The following AKAP9 variants were observed in gnomAD, a reference collection of about 807,000 sequenced individuals.
AKAP9 encodes A-kinase anchor protein 9.
Under a neutral mutation model 488.5 loss-of-function variants are expected in AKAP9, and 311 were observed. The observed-to-expected ratio is 0.64, with a 90% confidence interval of 0.58 to 0.70. The LOEUF (loss-of-function observed/expected upper bound fraction) is 0.70. Among genes scored for constraint, AKAP9 ranks in the 30% least tolerant of loss-of-function variants. The pLI is 0.00. For synonymous variants in AKAP9, 1,462 were observed against 1,483.5 expected (o/e 0.99, Z 0.33); for missense variants, 4,215 against 4,374.5 (o/e 0.96, Z 1.03).
Position 91,992,787 on chromosome 7 carries a change from G to A in AKAP9, c.406-98G>A. On this transcript the variant is annotated intron_variant, in intron 4 of 49. Coordinates refer to ENST00000356239, the MANE Select transcript of AKAP9 (RefSeq NM_005751.5). ...CATAATCTTCCAGGTGGTGAGTGAT[G>A]TTTTAAAGTGGACCTTGCTATGGAT... is the stretch of plus-strand genomic sequence containing the variant. 4 of 1,167,582 alleles carry A rather than the reference G, an allele frequency of 3.4e-6. No homozygotes were observed. In the South Asian group the frequency reaches 3.9e-5, roughly 11 times the overall value. The allele number at this position is 1,167,582 out of a possible 1,614,324, so 72.3% of individuals were successfully genotyped here. A position where few individuals can be genotyped will look rare whatever the true frequency, so the allele number is the denominator to read the frequency against.
chr7:91,989,436 C>T (rs984889674), intron 3 of AKAP9, among the ~76,000 whole-genome samples: 4 of 152,050 alleles, frequency 2.6e-5, no homozygotes, highest in African/African-American at 7.2e-5. Context: ...AATGAAGGGA[C>T]GTTTCATGTC....
rs146811417 is a variant in AKAP9 at position 92,012,439 on chromosome 7, G to C, written c.3329G>C (p.Arg1110Thr). ...TATGTTTACTTTAAGAATGATTTAA[G>C]GCTACAGATGGAAGCCCAACGCATT... ...NVLKSEQNDL[R>T]LQMEAQRICL... Residue 1110 changes from arginine (R) to threonine (T), a missense_variant, in exon 9 of 50, where the codon AGG (arginine) becomes ACG (threonine). Around this residue, in one of 5 missense-constraint regions of AKAP9, gnomAD observed 2,361 missense variants for 2,430.0 expected, o/e 0.97. Transcript: ENST00000356239. 1.2e-5 allele frequency: 20 copies of C among 1,613,278 alleles called. No homozygotes were observed. Among genetic ancestry groups the C allele is most frequent in the Non-Finnish European group, 1.7e-5 (20 of 1,179,446 alleles).
At chr7:92,096,329 T>G (rs935564811) in intron 40 of AKAP9, among the ~76,000 whole-genome samples, 2 of 148,386 alleles carry the variant, frequency 1.3e-5, no homozygotes, top group Non-Finnish European at 2.9e-5. Flanking sequence ...TCTGAAGTTT[T>G]TTTTGTTTTT....
At position 91,950,538 on chromosome 7, in the gene AKAP9, C is replaced by T. The variant is rs192899470; in HGVS notation, c.48+9391C>T. On this transcript the variant is annotated intron_variant, in intron 1 of 49. Coordinates refer to ENST00000356239, the MANE Select transcript of AKAP9 (RefSeq NM_005751.5). ...AGCCACAACGTCCAGGCTAGGGTCT[C>T]ACTTTTATTCAAGTTAGTATTGCCT... Among the ~76,000 whole-genome samples, 307 of 152,232 alleles carry T rather than the reference C, an allele frequency of 2.0e-3. 2 individuals are homozygous for T. In the East Asian group the frequency reaches 0.02, roughly 10 times the overall value.
At chr7:91,991,033 C>T (rs371134535) in intron 3 of AKAP9, among the ~76,000 whole-genome samples, 1 of 152,140 alleles carries the variant, frequency 6.6e-6, no homozygotes, top group Admixed American at 6.5e-5. Flanking sequence ...TAGTAGCTGT[C>T]TACCTTATCA....
Position 92,002,503 on chromosome 7 carries a change from A to C in AKAP9, c.2586A>C (p.Gln862His). The C allele has an allele frequency of 6.2e-7, 1 of 1,610,942 alleles. No individual in the cohort carries two copies. The highest frequency in any genetic ancestry group is 8.5e-7 in the Non-Finnish European group (1 of 1,178,856). ...AAAAAAACTTTGAAGTTAACTATCA[A>C]GAGTTACAAGAGGAGTATGCTTGCC... ...FAEKNFEVNY[Q>H]ELQEEYACLL... The change falls in exon 8 of 50, where the codon CAA becomes CAC. Residue 862 changes from glutamine (Q) to histidine (H), a missense_variant. Around this residue, in one of 5 missense-constraint regions of AKAP9, gnomAD observed 2,361 missense variants for 2,430.0 expected, o/e 0.97. Coordinates refer to ENST00000356239, the MANE Select transcript of AKAP9 (RefSeq NM_005751.5).
In AKAP9 at chr7:92,040,825, A is replaced by T. The variant is rs761072793; in HGVS notation, c.4844A>T (p.Gln1615Leu). ...TTGTTAAGGCAAGCACATATGCGGC[A>T]AATGGAGAGACAGCGAGAAGACCAG... ...TELLRQAHMR[Q>L]MERQREDQEQ... Residue 1615 changes from glutamine (Q) to leucine (L), a missense_variant, in exon 18 of 50, where the codon CAA becomes CTA. This residue lies in a region of AKAP9 where 2,361 missense variants were observed against 2,430.0 expected (regional missense o/e 0.97). Transcript: ENST00000356239. 1.2e-6 allele frequency: 2 copies of T among 1,613,976 alleles called. No individual in the cohort carries two copies. The highest frequency in any genetic ancestry group is 2.7e-5 in the African/African-American group (2 of 74,920).
Position 92,038,518 on chromosome 7 carries a change from G to C in AKAP9, c.4438G>C (p.Val1480Leu). 1 of 1,613,892 alleles carries C rather than the reference G, an allele frequency of 6.2e-7. No individual in the cohort carries two copies. Among genetic ancestry groups the C allele is most frequent in the Non-Finnish European group, 8.5e-7 (1 of 1,179,866 alleles). The change falls in exon 17 of 50, where the codon GTG becomes CTG. Residue 1480 changes from valine to leucine, a missense_variant. Physicochemically the swap from Val to Leu is conservative, Grantham distance 32. Coordinates refer to ENST00000356239, the MANE Select transcript of AKAP9 (RefSeq NM_005751.5). ...NTASSKQAHA[V>L]CQQEQHYFNE... ...TGCATCATCAAAGCAAGCACATGCT[G>C]TGTGTCAGCAAGAACAACATTATTT...
At chr7:92,072,631 A>G (rs1024075841) in intron 28 of AKAP9, among the ~76,000 whole-genome samples, 1 of 152,162 alleles carries the variant, frequency 6.6e-6, no homozygotes, top group African/African-American at 2.4e-5. Flanking sequence ...TGCAGGATGA[A>G]TAAAAAGAGA....
intron 37 of AKAP9, among the ~76,000 whole-genome samples, chr7:92,089,094 G>A (rs1815087862): frequency 6.6e-6 from 1 of 151,988 alleles, no homozygotes; most frequent in Admixed American, 6.6e-5. Flanking sequence ...AATTTGAATA[G>A]GCTCTGTATA....
Position 92,062,333 on chromosome 7 carries a change from A to G in AKAP9, c.5824A>G (p.Thr1942Ala). The G allele has an allele frequency of 6.2e-7, 1 of 1,613,868 alleles. No individual in the cohort carries two copies. The highest frequency in any genetic ancestry group is 8.5e-7 in the Non-Finnish European group (1 of 1,179,826). Residue 1942 changes from threonine to alanine, a missense_variant, in exon 24 of 50, where the codon ACT (threonine) becomes GCT (alanine). Physicochemically the swap from Thr to Ala is moderately conservative, Grantham distance 58 (BLOSUM62 0). Around this residue, in one of 5 missense-constraint regions of AKAP9, gnomAD observed 2,361 missense variants for 2,430.0 expected, o/e 0.97. Transcript: ENST00000356239. Reference protein sequence around the residue: ...TLFERQIQEKTDIIDRLEQEL... With the variant: ...TLFERQIQEKADIIDRLEQEL... ...TTTTGAAAGGCAAATTCAGGAAAAAACTGATATAATAGATCGTCTTGAGCA... is the reference window on the plus strand; with the variant it reads ...TTTTGAAAGGCAAATTCAGGAAAAAGCTGATATAATAGATCGTCTTGAGCA...
rs951764561 is a variant in AKAP9, at chr7:92,095,177, C to T, written c.9729+4C>T. The T allele has an allele frequency of 1.5e-5, 24 of 1,613,988 alleles. No homozygotes were observed. The highest frequency in any genetic ancestry group is 2.0e-5 in the Non-Finnish European group (24 of 1,179,994). On this transcript the variant is annotated splice_donor_region_variant and intron_variant, in intron 40 of 49. Coordinates refer to ENST00000356239, the MANE Select transcript of AKAP9 (RefSeq NM_005751.5). ...ACGGGATAAAGAAGAACTTGAGGTA[C>T]TGTTATCTTTGTCTTTAAATGTCTG...
At chr7:91,948,073 C>T (rs2130453951) in intron 1 of AKAP9, among the ~76,000 whole-genome samples, 1 of 152,324 alleles carries the variant, frequency 6.6e-6, no homozygotes, top group South Asian at 2.1e-4. Flanking sequence ...TGGCTTCTTT[C>T]ACTTAGTATG....
At position 92,061,398 on chromosome 7, in the gene AKAP9, G is replaced by A. The variant is rs1396840478; in HGVS notation, c.5740G>A (p.Ala1914Thr). ...GGAGTCCAGGGCCAGAGAACAGCTA[G>A]CTGTGGAGCTCAGTAAGGCTGAGGG... is the stretch of plus-strand genomic sequence containing the variant. Reference protein sequence around the residue: ...HEESRAREQLAVELSKAEGVI... With the variant: ...HEESRAREQLTVELSKAEGVI... Residue 1914 changes from alanine (A) to threonine (T), a missense_variant, in exon 23 of 50, where the codon GCT becomes ACT. Physicochemically the swap from Ala to Thr is moderately conservative, Grantham distance 58. Coordinates refer to ENST00000356239, the MANE Select transcript of AKAP9 (RefSeq NM_005751.5). 1 of 1,612,760 alleles carries A rather than the reference G, an allele frequency of 6.2e-7. No individual in the cohort carries two copies. Among genetic ancestry groups the A allele is most frequent in the Admixed American group, 1.7e-5 (1 of 59,864 alleles).
intron 2 of AKAP9, among the ~76,000 whole-genome samples, chr7:91,975,915 TTG>T (rs1795611335): frequency 1.0e-5 from 1 of 99,798 alleles, no homozygotes; most frequent in Admixed American, 9.5e-5. Context: ...TGTTTTTTGT[TTG>T]TTTGTTTGTT....
At chr7:92,073,860 T>A (rs1426413397) in intron 28 of AKAP9, among the ~76,000 whole-genome samples, 1 of 152,154 alleles carries the variant, frequency 6.6e-6, no homozygotes, top group Non-Finnish European at 1.5e-5. Flanking sequence ...AACACAAGTC[T>A]TACACAAAAA....
At chr7:92,088,130 A>G (rs2130881052) in intron 37 of AKAP9, among the ~76,000 whole-genome samples, 2 of 152,304 alleles carry the variant, frequency 1.3e-5, no homozygotes, top group South Asian at 4.1e-4. Flanking sequence ...TACCAGGGAA[A>G]AGCAGTAACT....
At chr7:92,011,642 G>A (rs530148885) in intron 8 of AKAP9, among the ~76,000 whole-genome samples, 1 of 152,196 alleles carries the variant, frequency 6.6e-6, no homozygotes. Flanking sequence ...TTTGATGCTA[G>A]GATGGACAAT....
At position 92,045,565 on chromosome 7, in the gene AKAP9, G is replaced by C. The variant is rs141405847; in HGVS notation, c.5368+352G>C. Among the ~76,000 whole-genome samples, 11 of 152,230 alleles carry C rather than the reference G, an allele frequency of 7.2e-5. No individual in the cohort carries two copies. The East Asian group carries it at 1.9e-3, about 27-fold the overall frequency. ...TCCTGAAACCATCCTATAGATTAAG[G>C]AAAGATTAGAAATAAAGACTTTTTA... On this transcript the variant is annotated intron_variant, in intron 21 of 49. Transcript: ENST00000356239.
Sources: gnomAD v4.1 joint callset for allele counts (sites outside exome capture counted in the v4.1 genomes callset) on GRCh38, gnomAD v4.1.1 for gene constraint, gnomAD v4.1.1 regional missense constraint, MANE v1.5 for transcripts, NCBI Gene and HGNC (gene_info 2026-07-23, HGNC 2026-07-21) for gene names.